MFSD1: variants seen among roughly 807,000 people sequenced by gnomAD.
MFSD1 encodes the protein lysosomal dipeptide transporter MFSD1.
Under a neutral mutation model 67.1 loss-of-function variants are expected in MFSD1, and 59 were observed. That is an observed-to-expected ratio of 0.88 (90% CI 0.71 to 1.09). The LOEUF (loss-of-function observed/expected upper bound fraction) is 1.09. Among genes scored for constraint, MFSD1 ranks in the 50% least tolerant of loss-of-function variants. The probability of loss-of-function intolerance (pLI) is 0.00; values close to 1 mark genes in which losing one functional copy is unlikely to be tolerated. For missense variants in MFSD1, 552 were observed against 566.1 expected, an observed-to-expected ratio of 0.97 and a Z score of 0.25; for synonymous variants, 213 against 200.3, an observed-to-expected ratio of 1.06 and a Z score of -0.54.
intron 6 of MFSD1, among the ~76,000 whole-genome samples, chr3:158,812,922 G>C (rs1372586440): frequency 1.3e-5 from 2 of 152,002 alleles, no homozygotes; most frequent in African/African-American, 4.8e-5. Context: ...TGCAGTGGCT[G>C]TTCCTTCTGC....
intron 7 of MFSD1, among the ~76,000 whole-genome samples, chr3:158,817,682 G>A (rs543142428): frequency 7.4e-4 from 113 of 152,164 alleles, no homozygotes; most frequent in Middle Eastern, 3.4e-3. Context: ...GCCCAAGGTA[G>A]TTTATAGATT....
intron 7 of MFSD1, among the ~76,000 whole-genome samples, chr3:158,816,854 C>G (rs904209174): frequency 6.8e-6 from 1 of 148,044 alleles, no homozygotes; most frequent in Non-Finnish European, 1.5e-5. Context: ...GATCCAGTTT[C>G]AGCTTTCTAC....
rs1729779274 is a variant in MFSD1 at position 158,807,332 on chromosome 3, T to C, written c.373-64T>C. ...GAAGTTGAGATTTATCATGTTCCTT[T>C]TGCTTCTCTTTAATACTTTGAATTT... On this transcript the variant is annotated intron_variant, in intron 4 of 15. Transcript: ENST00000415822. The C allele has an allele frequency of 3.1e-6, 4 of 1,283,478 alleles. No homozygotes were observed. The East Asian group carries it at 9.3e-5, about 30-fold the overall frequency. The allele number at this position is 1,283,478 out of a possible 1,614,324, so 79.5% of individuals were successfully genotyped here.
intron 6 of MFSD1, among the ~76,000 whole-genome samples, chr3:158,812,404 G>T (rs557673535): frequency 2.6e-5 from 4 of 152,148 alleles, no homozygotes; most frequent in Non-Finnish European, 4.4e-5. Context: ...AGCAGCGTTG[G>T]CTGAAACTGA....
Position 158,820,235 on chromosome 3 carries a change from G to T in MFSD1, c.772G>T (p.Asp258Tyr), listed in dbSNP as rs1181700018. ...GKTGEVIKLT[D>Y]VKDFSLPLWL... ...CTAAGGTGAAGTTATTAAATTAACT[G>T]ATGTAAAGGACTTCTCCTTACCCCT... The change falls in exon 9 of 16, where the codon GAT (aspartate) becomes TAT (tyrosine). Residue 258 changes from aspartate (D) to tyrosine (Y), a missense_variant. Coordinates refer to ENST00000415822, the MANE Select transcript of MFSD1 (RefSeq NM_022736.4). 1.2e-6 allele frequency: 2 copies of T among 1,602,664 alleles called. No individual in the cohort carries two copies. Among genetic ancestry groups the T allele is most frequent in the Non-Finnish European group, 1.7e-6 (2 of 1,170,102 alleles).
intron 15 of MFSD1, 82 bp downstream of exon 15, chr3:158,827,419 AG>A: frequency 1.5e-5 from 10 of 662,892 alleles, no homozygotes; most frequent in East Asian, 3.3e-5. Flanking sequence ...TGGGCTTTGA[AG>A]TTTTTTTTTT....
intron 6 of MFSD1, among the ~76,000 whole-genome samples, chr3:158,813,551 A>G (rs1015393519): frequency 5.9e-5 from 9 of 152,206 alleles, no homozygotes; most frequent in Non-Finnish European, 8.8e-5. Context: ...ATCATCTATT[A>G]TAACTTTTAC....
intron 15 of MFSD1, among the ~76,000 whole-genome samples, chr3:158,827,554 A>G (rs749939950): frequency 6.6e-6 from 1 of 151,730 alleles, no homozygotes; most frequent in Non-Finnish European, 1.5e-5. Context: ...AGCTGGGACT[A>G]CAGTTGTGTG....
rs751829424 is a variant in MFSD1 at position 158,809,203 on chromosome 3, T to G, written c.465T>G (p.Val155=). The G allele has an allele frequency of 1.3e-6, 2 of 1,592,842 alleles. No homozygotes were observed. Among genetic ancestry groups the G allele is most frequent in the East Asian group, 2.2e-5 (1 of 44,650 alleles). The change falls in exon 6 of 16, where the codon GTT becomes GTG. Residue 155 remains valine (V), a synonymous_variant. Coordinates refer to ENST00000415822, the MANE Select transcript of MFSD1 (RefSeq NM_022736.4). ...VFGIGGESLA[V]AQNTYAVSWF... is the part of the protein sequence containing the mutation. ...GGATTGGTGGCGAGTCCTTAGCAGTTGCCCAGAATACATATGCTGTGAGCT... is the reference window on the plus strand; with the variant it reads ...GGATTGGTGGCGAGTCCTTAGCAGTGGCCCAGAATACATATGCTGTGAGCT...
intron 8 of MFSD1, 28 bp downstream of exon 8, chr3:158,819,775 AG>A: frequency 7.5e-7 from 1 of 1,342,228 alleles, no homozygotes; most frequent in East Asian, 2.3e-5. Context: ...AATGGGACTT[AG>A]GGGAATTACG....
intron 6 of MFSD1, among the ~76,000 whole-genome samples, chr3:158,813,358 G>C (rs1203811331): frequency 6.6e-6 from 1 of 151,960 alleles, no homozygotes; most frequent in East Asian, 1.9e-4. Flanking sequence ...ATGTTGGCTA[G>C]GCTGGTCTCA....
At chr3:158,804,448 G>A in intron 2 of MFSD1, 77 bp downstream of exon 2, 4 of 1,190,492 alleles carry the variant, frequency 3.4e-6, no homozygotes, top group Non-Finnish European at 4.9e-6. Context: ...TCAACCCTCA[G>A]GTGCCCTAGT....
rs908545864 is a variant in MFSD1 at position 158,813,913 on chromosome 3, A to G, written c.550-52A>G. On this transcript the variant is annotated intron_variant, in intron 6 of 15. Coordinates refer to ENST00000415822, the MANE Select transcript of MFSD1 (RefSeq NM_022736.4). ...TCAAATCCCTTTTTTTGAACAAAGC[A>G]GAGATATATATGATTTAAAATGCTG... 4.6e-6 allele frequency: 6 copies of G among 1,302,918 alleles called. 1 individual carries two copies. In the African/African-American group the frequency reaches 7.4e-5, roughly 16 times the overall value. 80.7% of individuals were successfully genotyped at this position (1,302,918 alleles called of 1,614,324 possible).
chr3:158,820,728 G>A (rs1470161382), intron 9 of MFSD1, among the ~76,000 whole-genome samples: 1 of 152,124 alleles, frequency 6.6e-6, no homozygotes, highest in Non-Finnish European at 1.5e-5. Context: ...TGCCAGCAGG[G>A]GAAATGCCAG....
At chr3:158,804,297 T>C (rs374881070) in intron 1 of MFSD1, 22 bp from the exon 2 acceptor site, 1 of 1,581,386 alleles carries the variant, frequency 6.3e-7, no homozygotes, top group Non-Finnish European at 8.6e-7. Flanking sequence ...TTATTACTTA[T>C]AAAGTATTTG....
chr3:158,802,987 G>A (rs1025955535), intron 1 of MFSD1, among the ~76,000 whole-genome samples: 1 of 152,174 alleles, frequency 6.6e-6, no homozygotes, highest in Admixed American at 6.5e-5. Context: ...AAATGTATGA[G>A]TGTGTCTTGC....
At chr3:158,827,147 C>A in intron 14 of MFSD1, 133 bp from the exon 15 acceptor site, 1 of 550,660 alleles carries the variant, frequency 1.8e-6, no homozygotes, top group Non-Finnish European at 3.1e-6. Context: ...ATTACTTTTT[C>A]ATCGTCGATA....
rs1411213406 is a variant in MFSD1, at chr3:158,816,227, ACACC to A, written c.652+2161_652+2164del. Among the ~76,000 whole-genome samples, 235 of 152,308 alleles carry A rather than the reference ACACC, an allele frequency of 1.5e-3. 1 individual carries two copies. The highest frequency in any genetic ancestry group is 3.4e-3 in the Middle Eastern group (1 of 294). On this transcript the variant is annotated intron_variant, in intron 7 of 15. Coordinates refer to ENST00000415822, the MANE Select transcript of MFSD1 (RefSeq NM_022736.4). ...AGTTCTAGATCCCTGAGGAATCGCC[ACACC>A]GACTTCCACGATGGTTGAACTAGTT...
At position 158,820,267 on chromosome 3, in the gene MFSD1, T is replaced by C. The variant is rs4680469; in HGVS notation, c.804T>C (p.Leu268=). The C allele has an allele frequency of 0.22, 360,291 of 1,608,016 alleles. 42,350 individuals are homozygous for C. The highest frequency in any genetic ancestry group is 0.28 in the Admixed American group (16,506 of 59,946). ...DVKDFSLPLW[L]IFIICVCYYV... Reference sequence around the variant, plus strand: ...AGGACTTCTCCTTACCCCTGTGGCTTATATTTATCATCTGTGTCTGCTATT... The same window carrying C: ...AGGACTTCTCCTTACCCCTGTGGCTCATATTTATCATCTGTGTCTGCTATT... The change falls in exon 9 of 16, where the codon CTT becomes CTC. Residue 268 remains leucine, a synonymous_variant. Transcript: ENST00000415822.
Sources: allele counts gnomAD v4.1 joint callset (sites outside exome capture counted in the v4.1 genomes callset), GRCh38; gene constraint gnomAD v4.1.1; transcripts MANE v1.5; gene names NCBI Gene and HGNC (gene_info 2026-07-23, HGNC 2026-07-21).